TMEM38A: variants seen among roughly 807,000 people sequenced by gnomAD.
The protein encoded by TMEM38A is trimeric intracellular cation channel type A.
A neutral mutation model predicts 28.6 loss-of-function variants in TMEM38A; 17 were observed. That is an observed-to-expected ratio of 0.60 (90% CI 0.41 to 0.89). The LOEUF is 0.89. Ranked by LOEUF, TMEM38A falls within the 40% of genes least tolerant of loss-of-function variation. The pLI is 0.00. For synonymous variants in TMEM38A, 169 were observed against 166.1 expected (o/e 1.02, Z -0.14); for missense variants, 328 against 393.1 (o/e 0.83, Z 1.40).
Position 16,688,468 on chromosome 19 carries a change from C to A in TMEM38A, c.*97C>A. Reference sequence around the variant, plus strand: ...CAGATCTATCCTTTCCTGGCCTTGACTTCCCCATCTGCAAATCAGGGTCAT... The same window carrying A: ...CAGATCTATCCTTTCCTGGCCTTGAATTCCCCATCTGCAAATCAGGGTCAT... On this transcript the variant is annotated 3_prime_UTR_variant, in exon 6 of 6. Coordinates refer to ENST00000187762, the MANE Select transcript of TMEM38A (RefSeq NM_024074.4). 9.9e-7 allele frequency: 1 copy of A among 1,007,034 alleles called. No homozygotes were observed. The highest frequency in any genetic ancestry group is 1.3e-6 in the Non-Finnish European group (1 of 746,258). The allele number at this position is 1,007,034 out of a possible 1,614,324, so 62.4% of individuals were successfully genotyped here. A position where few individuals can be genotyped will look rare whatever the true frequency, so the allele number is the denominator to read the frequency against.
chr19:16,680,420 T>C lies in TMEM38A; in HGVS notation c.305T>C (p.Leu102Pro). 1 of 1,614,160 alleles carries C rather than the reference T, an allele frequency of 6.2e-7. No homozygotes were observed. Among genetic ancestry groups the C allele is most frequent in the Non-Finnish European group, 8.5e-7 (1 of 1,180,006 alleles). Residue 102 changes from leucine (L) to proline (P), a missense_variant, in exon 3 of 6, where the codon CTG becomes CCG. Coordinates refer to ENST00000187762, the MANE Select transcript of TMEM38A (RefSeq NM_024074.4). ...AGGTACTTGATTTTCTTCTGCCCCC[T>C]GGACCTCTTCTACAAGTGTGTCTGC... ...AVWYLIFFCP[L>P]DLFYKCVCFL...
chr19:16,664,289 C>T (rs112178096), intron 1 of TMEM38A, among the ~76,000 whole-genome samples: 7,805 of 151,920 alleles, frequency 0.051, 550 homozygotes, highest in African/African-American at 0.16. Flanking sequence ...TGGTGGCGCA[C>T]GCCTGTAATC....
At position 16,665,654 on chromosome 19, in the gene TMEM38A, C is replaced by A. The variant is rs138640940; in HGVS notation, c.124+4313C>A. ...GAGAACCCCAGACTCCCTTTCCTAG[C>A]GATTGTAAAGATCTATTGAGAATTT... On this transcript the variant is annotated intron_variant, in intron 1 of 5. Transcript: ENST00000187762. Among the ~76,000 whole-genome samples the A allele has an allele frequency of 8.5e-5, 13 of 152,128 alleles. No individual in the cohort carries two copies. In the East Asian group the frequency reaches 2.5e-3, roughly 29 times the overall value.
chr19:16,669,871 C>A (rs1021197037), intron 1 of TMEM38A, among the ~76,000 whole-genome samples: 7 of 152,198 alleles, frequency 4.6e-5, no homozygotes, highest in Admixed American at 3.3e-4. Context: ...GTCACAGAGT[C>A]CATTGCAGAC....
intron 4 of TMEM38A, among the ~76,000 whole-genome samples, chr19:16,685,955 G>A (rs561248394): frequency 1.3e-5 from 2 of 152,314 alleles, no homozygotes; most frequent in Admixed American, 6.5e-5. Flanking sequence ...TTGAGGCCAG[G>A]AGTTCGAGAC....
chr19:16,663,869 C>G (rs934940372), intron 1 of TMEM38A, among the ~76,000 whole-genome samples: 14 of 151,814 alleles, frequency 9.2e-5, no homozygotes, highest in Non-Finnish European at 2.1e-4. Context: ...ATCTCCACCC[C>G]CCACCAATTG....
In TMEM38A at chr19:16,689,446, A is replaced by C. The variant is rs548166904; in HGVS notation, c.*1075A>C. The stretch of plus-strand genomic sequence containing the variant: ...GTTCCCTGGCACAAAGGAAGCCCTC[A>C]GTAGACACGTCTAGGGCAGGCTTGA... On this transcript the variant is annotated 3_prime_UTR_variant, in exon 6 of 6. Coordinates refer to ENST00000187762, the MANE Select transcript of TMEM38A (RefSeq NM_024074.4). The C allele has an allele frequency of 6.6e-6, 1 of 152,238 alleles. No homozygotes were observed. The highest frequency in any genetic ancestry group is 1.5e-5 in the Non-Finnish European group (1 of 68,050). The allele number at this position is 152,238 out of a possible 1,614,324, so 9.4% of individuals were successfully genotyped here. A position where few individuals can be genotyped will look rare whatever the true frequency, so the allele number is the denominator to read the frequency against.
Position 16,661,257 on chromosome 19 carries a change from C to T in TMEM38A, c.40C>T (p.Leu14Phe). Residue 14 changes from leucine (L) to phenylalanine (F), a missense_variant, in exon 1 of 6, where the codon CTC (leucine) becomes TTC (phenylalanine). Transcript: ENST00000187762. The surrounding 1 kb of genome is among the most constrained non-coding windows in gnomAD (Gnocchi z 6.5). ...LSALSLGELA[L>F]SFSRVPLFPV... ...GGCGCTGAGCCTGGGCGAACTGGCG[C>T]TCAGCTTCTCGCGGGTGCCGCTCTT... is the stretch of plus-strand genomic sequence containing the variant. The T allele has an allele frequency of 1.3e-6, 2 of 1,595,288 alleles. No homozygotes were observed.
intron 4 of TMEM38A, among the ~76,000 whole-genome samples, chr19:16,684,036 A>G (rs1275097850): frequency 6.6e-6 from 1 of 151,970 alleles, no homozygotes; most frequent in Non-Finnish European, 1.5e-5. Context: ...AGGCTGAGGC[A>G]GGAGAACCGG....
Position 16,688,365 on chromosome 19 carries a change from G to A in TMEM38A, c.894G>A (p.Ala298=), listed in dbSNP as rs768939758. Residue 298 remains alanine, a synonymous_variant, in exon 6 of 6, where the codon GCG becomes GCA. Transcript: ENST00000187762. ...EGSRKKKAKK[A]D is the part of the protein sequence containing the mutation. ...CCAGGAAGAAGAAGGCCAAGAAGGC[G>A]GATTAGGGGGTGGCCCAAGGGGCAC... The A allele has an allele frequency of 1.1e-5, 17 of 1,581,022 alleles. No homozygotes were observed. Among genetic ancestry groups the A allele is most frequent in the South Asian group, 6.9e-5 (6 of 87,046 alleles).
chr19:16,676,783 T>G (rs7251919), intron 1 of TMEM38A, among the ~76,000 whole-genome samples: 25,639 of 130,432 alleles, frequency 0.2, 4,131 homozygotes, highest in African/African-American at 0.45. Flanking sequence ...TTTTGAGAGG[T>G]AGTCTCGCTG....
At chr19:16,664,881 A>G (rs1005706382) in intron 1 of TMEM38A, among the ~76,000 whole-genome samples, 2 of 151,756 alleles carry the variant, frequency 1.3e-5, no homozygotes, top group African/African-American at 4.8e-5. Context: ...AATAATAAAA[A>G]AAGAATGTCA....
intron 1 of TMEM38A, among the ~76,000 whole-genome samples, chr19:16,675,794 G>A (rs1391095879): frequency 6.6e-6 from 1 of 151,798 alleles, no homozygotes; most frequent in East Asian, 1.9e-4. Context: ...TCATCTGCCC[G>A]CCTCAGCCTC....
rs145045953 is a variant in TMEM38A, at chr19:16,665,969, C to T, written c.124+4628C>T. On this transcript the variant is annotated intron_variant, in intron 1 of 5. Transcript: ENST00000187762. ...GATTACAAGCATCCACCACCACACCCAGCTAATTTTTTTGTTTTGTTTTGT... is the reference window on the plus strand; with the variant it reads ...GATTACAAGCATCCACCACCACACCTAGCTAATTTTTTTGTTTTGTTTTGT... 1.1e-3 allele frequency among the ~76,000 whole-genome samples: 163 copies of T among 151,764 alleles called. 2 individuals carry two copies. The East Asian group carries it at 0.024, about 22-fold the overall frequency.
intron 5 of TMEM38A, among the ~76,000 whole-genome samples, chr19:16,687,777 C>T (rs2086807707): frequency 6.6e-6 from 1 of 152,174 alleles, no homozygotes; most frequent in Non-Finnish European, 1.5e-5. Context: ...CTCCTAATAC[C>T]ATCACCTTTG....
intron 1 of TMEM38A, among the ~76,000 whole-genome samples, chr19:16,679,494 T>C (rs144641387): frequency 0.015 from 2,298 of 152,086 alleles, 49 homozygotes; most frequent in African/African-American, 0.053. Context: ...GGTTTCACCA[T>C]GTTAGCCAGG....
At chr19:16,662,579 G>A (rs2122570941) in intron 1 of TMEM38A, among the ~76,000 whole-genome samples, 1 of 150,032 alleles carries the variant, frequency 6.7e-6, no homozygotes, top group African/African-American at 2.4e-5. Flanking sequence ...TCAGCCTTCT[G>A]AGTAGCTGGG....
At chr19:16,684,828 C>T (rs2086795000) in intron 4 of TMEM38A, among the ~76,000 whole-genome samples, 1 of 142,284 alleles carries the variant, frequency 7.0e-6, no homozygotes, top group Admixed American at 7.3e-5. Context: ...TGCTCAAGGC[C>T]AGGAGTTCAA....
At position 16,686,361 on chromosome 19, in the gene TMEM38A, G is replaced by A; in HGVS notation, c.628G>A (p.Ala210Thr). The A allele has an allele frequency of 7.4e-6, 12 of 1,613,780 alleles. No individual in the cohort carries two copies. Among genetic ancestry groups the A allele is most frequent in the Non-Finnish European group, 1.0e-5 (12 of 1,179,942 alleles). Residue 210 changes from alanine to threonine, a missense_variant, in exon 5 of 6, where the codon GCC becomes ACC. By Grantham distance (58) the Ala-to-Thr change is moderately conservative. Transcript: ENST00000187762. ...QQTRWLPVSKASLIFIFTLFM... is the reference protein window; with the variant it reads ...QQTRWLPVSKTSLIFIFTLFM... ...GACCCGCTGGCTCCCAGTGTCCAAA[G>A]CCAGCCTCATCTTCATCTTCACCTT... is the stretch of plus-strand genomic sequence containing the variant.
Sources: gnomAD v4.1 joint callset for allele counts (sites outside exome capture counted in the v4.1 genomes callset) on GRCh38, gnomAD v4.1.1 for gene constraint, Gnocchi (gnomAD v3.1) non-coding constraint, MANE v1.5 for transcripts, NCBI Gene and HGNC (gene_info 2026-07-23, HGNC 2026-07-21) for gene names.